Variants in TBC1D19 observed in about 807,000 individuals in gnomAD.
TBC1D19 encodes the protein TBC1 domain family, member 19.
In TBC1D19, 60 loss-of-function variants were observed where a neutral mutation model predicts 89.0. The ratio of observed to expected loss-of-function variants is 0.67; its 90% CI spans 0.55 to 0.84. The LOEUF (loss-of-function observed/expected upper bound fraction) is 0.84. Among genes scored for constraint, TBC1D19 ranks in the 40% least tolerant of loss-of-function variants. The pLI is 0.00. For synonymous variants in TBC1D19, 189 were observed against 199.7 expected (o/e 0.95, Z 0.45); for missense variants, 500 against 610.8 (o/e 0.82, Z 1.91).
chr4:26,655,863 C>T (rs1035372004), intron 7 of TBC1D19, among the ~76,000 whole-genome samples: 3 of 152,166 alleles, frequency 2.0e-5, no homozygotes, highest in Admixed American at 6.5e-5. Flanking sequence ...ATGCTCAGTG[C>T]GCTGCACCCA....
chr4:26,744,567 A>G (rs1023415937), intron 18 of TBC1D19, among the ~76,000 whole-genome samples: 7 of 151,774 alleles, frequency 4.6e-5, no homozygotes, highest in African/African-American at 1.7e-4. Flanking sequence ...AAATTTTGAT[A>G]TGTTATATTT....
At chr4:26,582,454 T>G (rs1344851452), upstream of TBC1D19, among the ~76,000 whole-genome samples, 2 of 152,328 alleles carry the variant, frequency 1.3e-5, no homozygotes, top group Non-Finnish European at 2.9e-5. Context: ...TCTTTTCAGC[T>G]GAAGCATCTT....
chr4:26,786,794 TGG>T, the TBC1D19 span, among the ~76,000 whole-genome samples: 11 of 150,562 alleles, frequency 7.3e-5, no homozygotes, highest in South Asian at 4.3e-4. Flanking sequence ...GATGGATGGA[TGG>T]GTGGGTGGAA....
chr4:26,792,072 G>A, the TBC1D19 span, among the ~76,000 whole-genome samples: 1 of 152,166 alleles, frequency 6.6e-6, no homozygotes, highest in Non-Finnish European at 1.5e-5. Context: ...TGACCACTGT[G>A]AGACAAGACC....
chr4:26,648,816 T>C (rs1372085497), intron 7 of TBC1D19, among the ~76,000 whole-genome samples: 2 of 152,198 alleles, frequency 1.3e-5, no homozygotes, highest in African/African-American at 2.4e-5. Flanking sequence ...GCTGAAACTT[T>C]ATGTAATTTT....
At chr4:26,709,912 AG>A (rs1024505600) in intron 13 of TBC1D19, among the ~76,000 whole-genome samples, 19 of 152,134 alleles carry the variant, frequency 1.2e-4, no homozygotes, top group Non-Finnish European at 2.4e-4. Context: ...GAAGAAGCAG[AG>A]GCTTAGATCC....
chr4:26,678,340 TAGG>T (rs1363347595), intron 11 of TBC1D19, among the ~76,000 whole-genome samples: 12 of 152,226 alleles, frequency 7.9e-5, no homozygotes, highest in Admixed American at 2.0e-4. Context: ...TCAATTATTT[TAGG>T]AGGTTTGTTT....
At chr4:26,769,282 A>G in the TBC1D19 span, among the ~76,000 whole-genome samples, 6 of 152,104 alleles carry the variant, frequency 3.9e-5, no homozygotes, top group Non-Finnish European at 7.4e-5. Context: ...ATGCCTCGAA[A>G]GAAATGGTAA....
chr4:26,663,544 G>A (rs182345550), intron 8 of TBC1D19, among the ~76,000 whole-genome samples: 2 of 152,334 alleles, frequency 1.3e-5, no homozygotes, highest in African/African-American at 2.4e-5. Flanking sequence ...TTCAGCTTAT[G>A]TGTGAATGAG....
At chr4:26,714,031 A>G (rs1264385383) in intron 13 of TBC1D19, among the ~76,000 whole-genome samples, 1 of 152,078 alleles carries the variant, frequency 6.6e-6, no homozygotes, top group Admixed American at 6.6e-5. Flanking sequence ...ATTCAGTGAA[A>G]CATGATACAG....
chr4:26,792,194 T>C, the TBC1D19 span, among the ~76,000 whole-genome samples: 1 of 152,070 alleles, frequency 6.6e-6, no homozygotes, highest in Non-Finnish European at 1.5e-5. Context: ...GGTTGTTGTG[T>C]GTAACGTAAT....
At chr4:26,772,613 C>T in the TBC1D19 span, among the ~76,000 whole-genome samples, 4 of 152,080 alleles carry the variant, frequency 2.6e-5, no homozygotes, top group African/African-American at 7.2e-5. Context: ...CTGATGCTCT[C>T]CCTCCCTCAT....
chr4:26,654,356 A>G (rs1210390578), intron 7 of TBC1D19, among the ~76,000 whole-genome samples: 1 of 151,932 alleles, frequency 6.6e-6, no homozygotes, highest in Non-Finnish European at 1.5e-5. Context: ...TGGGTCTTGG[A>G]GTTGCTCTTC....
intron 4 of TBC1D19, among the ~76,000 whole-genome samples, chr4:26,627,567 T>A (rs1742505362): frequency 6.6e-6 from 1 of 152,216 alleles, no homozygotes; most frequent in African/African-American, 2.4e-5. Context: ...TCCTGACTTT[T>A]TAATGATTGC....
intron 15 of TBC1D19, among the ~76,000 whole-genome samples, chr4:26,731,141 T>A (rs1256090375): frequency 6.6e-6 from 1 of 152,096 alleles, no homozygotes; most frequent in Non-Finnish European, 1.5e-5. Context: ...CCTCAATCAA[T>A]GAGGGCAAAT....
Position 26,620,693 on chromosome 4 carries a change from G to T in TBC1D19, c.294+5G>T. 6.2e-7 allele frequency: 1 copy of T among 1,612,046 alleles called. No homozygotes were observed. Among genetic ancestry groups the T allele is most frequent in the Non-Finnish European group, 8.5e-7 (1 of 1,179,120 alleles). On this transcript the variant is annotated splice_donor_5th_base_variant and intron_variant, in intron 4 of 20. Coordinates refer to ENST00000264866, the MANE Select transcript of TBC1D19 (RefSeq NM_018317.4). ...GTATACATGAGGAAAGCACAGGTTGGCTATTGTTCAATTTCATTTTATTTT... is the reference window on the plus strand; with the variant it reads ...GTATACATGAGGAAAGCACAGGTTGTCTATTGTTCAATTTCATTTTATTTT...
chr4:26,682,675 A>G (rs535217900), intron 11 of TBC1D19, among the ~76,000 whole-genome samples: 1 of 152,306 alleles, frequency 6.6e-6, no homozygotes, highest in South Asian at 2.1e-4. Context: ...TGTCAGCTAA[A>G]GCAACGAGAC....
At chr4:26,671,820 A>T (rs1467535305) in intron 9 of TBC1D19, among the ~76,000 whole-genome samples, 1 of 151,834 alleles carries the variant, frequency 6.6e-6, no homozygotes, top group East Asian at 1.9e-4. Flanking sequence ...CAAAGGGAAA[A>T]TTCATTCATC....
upstream of TBC1D19, chr4:26,583,927 G>C (rs1739243212): frequency 1.7e-5 from 8 of 479,170 alleles, 1 homozygote; most frequent in South Asian, 1.9e-4. Flanking sequence ...TTCAACCATA[G>C]ACAAGGCAGG....
Sources: allele counts gnomAD v4.1 joint callset (sites outside exome capture counted in the v4.1 genomes callset), GRCh38; gene constraint gnomAD v4.1.1; transcripts MANE v1.5; gene names NCBI Gene and HGNC (gene_info 2026-07-23, HGNC 2026-07-21).